The following GNG7 variants were observed in gnomAD, a reference collection of about 807,000 sequenced individuals.
GNG7 encodes guanine nucleotide-binding protein G(I)/G(S)/G(O) subunit gamma-7.
GNG7 carries 1 observed loss-of-function variant against 4.0 expected under a neutral mutation model. That is an observed-to-expected ratio of 0.25 (90% CI 0.09 to 1.18). The LOEUF is 1.18. Among genes scored for constraint, GNG7 ranks in the 50% most tolerant of loss-of-function variants. The pLI is 0.50. For missense variants in GNG7, 86 were observed against 91.9 expected (o/e 0.94, Z 0.26); for synonymous variants, 34 against 36.9 (o/e 0.92, Z 0.29).
intron 1 of GNG7, among the ~76,000 whole-genome samples, chr19:2,694,562 T>A (rs987096542): frequency 1.3e-5 from 2 of 151,966 alleles, no homozygotes; most frequent in Admixed American, 1.3e-4. Flanking sequence ...CAAGTCTGCT[T>A]CCTGATCACA....
intron 2 of GNG7, among the ~76,000 whole-genome samples, chr19:2,555,530 A>C (rs1979515133): frequency 6.6e-6 from 1 of 152,184 alleles, no homozygotes; most frequent in African/African-American, 2.4e-5. Flanking sequence ...GAAAAACAAA[A>C]TACCCAGGCA....
At chr19:2,550,773 A>G (rs1979291838) in intron 3 of GNG7, among the ~76,000 whole-genome samples, 1 of 152,172 alleles carries the variant, frequency 6.6e-6, no homozygotes, top group Admixed American at 6.5e-5. Flanking sequence ...AAATGGGGAC[A>G]ATGAGCCCTG....
intron 3 of GNG7, among the ~76,000 whole-genome samples, chr19:2,537,135 G>C (rs2144742760): frequency 6.6e-6 from 1 of 151,324 alleles, no homozygotes; most frequent in Non-Finnish European, 1.5e-5. Flanking sequence ...TTGTTTAGTA[G>C]AGACGGGGTT....
Position 2,546,985 on chromosome 19 carries a change from G to A in GNG7, c.-38+8164C>T, listed in dbSNP as rs141030054. Among the ~76,000 whole-genome samples the A allele has an allele frequency of 3.2e-3, 493 of 152,080 alleles. 4 individuals carry two copies. Among genetic ancestry groups the A allele is most frequent in the South Asian group, 0.031 (147 of 4,800 alleles). ...CGCCGGCCTCGTGACGGTGGTGCTC[G>A]GGAGCTGAAGGGCAGGAGGGTTAGG... On this transcript the variant is annotated intron_variant, in intron 3 of 4. Coordinates refer to ENST00000382159, the MANE Select transcript of GNG7 (RefSeq NM_052847.3). The surrounding 1 kb of genome is among the most constrained non-coding windows in gnomAD (Gnocchi z 6.3).
intron 3 of GNG7, among the ~76,000 whole-genome samples, chr19:2,526,085 T>C: frequency 6.6e-6 from 1 of 151,228 alleles, no homozygotes; most frequent in Admixed American, 6.6e-5. Context: ...ATTCTCCTGC[T>C]TCAGCTTCCC....
Position 2,555,187 on chromosome 19 carries a change from C to T in GNG7, c.-76G>A, listed in dbSNP as rs1446677644. ...CCCAGGAATCACAGCTTGCTGTACACCCTGTTTAAAAAAGGAGAGAGAAAG... is the reference window on the plus strand; with the variant it reads ...CCCAGGAATCACAGCTTGCTGTACATCCTGTTTAAAAAAGGAGAGAGAAAG... On this transcript the variant is annotated splice_region_variant and 5_prime_UTR_variant, in exon 3 of 5. The change creates a new upstream start codon in the 5' untranslated region. Transcript: ENST00000382159. 1.3e-5 allele frequency: 2 copies of T among 152,114 alleles called. No individual in the cohort carries two copies. The highest frequency in any genetic ancestry group is 6.6e-5 in the Admixed American group (1 of 15,264). The allele number at this position is 152,114 out of a possible 1,614,324, so 9.4% of individuals were successfully genotyped here.
At chr19:2,623,514 A>T (rs1025373683) in intron 2 of GNG7, among the ~76,000 whole-genome samples, 3 of 152,216 alleles carry the variant, frequency 2.0e-5, no homozygotes, top group African/African-American at 7.2e-5. Flanking sequence ...ATGAAAAGGA[A>T]GGGAATCCCA....
At position 2,696,274 on chromosome 19, in the gene GNG7, GAA is replaced by G. The variant is rs1409812092; in HGVS notation, c.-135+6370_-135+6371del. Among the ~76,000 whole-genome samples, 11 of 130,030 alleles carry G rather than the reference GAA, an allele frequency of 8.5e-5. 1 individual carries two copies. In the South Asian group the frequency reaches 2.0e-3, roughly 24 times the overall value. 85.3% of individuals were successfully genotyped at this position (130,030 alleles called of 152,430 possible). ...GAAAAAAGAAAGAAAGAGAAGGAGA[GAA>G]AGAAAAAGAGAGAGAGAGAAAGAAA... On this transcript the variant is annotated intron_variant, in intron 1 of 4. Coordinates refer to ENST00000382159, the MANE Select transcript of GNG7 (RefSeq NM_052847.3).
intron 1 of GNG7, chr19:2,683,386 C>G (rs988684369): frequency 6.6e-6 from 1 of 152,120 alleles, no homozygotes; most frequent in South Asian, 2.1e-4. Context: ...CCACCACTCC[C>G]GGCCAAGACC....
chr19:2,687,176 G>A (rs1983893335), intron 1 of GNG7, among the ~76,000 whole-genome samples: 2 of 152,086 alleles, frequency 1.3e-5, no homozygotes. Flanking sequence ...TCCTGCCTCG[G>A]ACTCCCGAGT....
chr19:2,544,353 T>C (rs1202980356), intron 3 of GNG7, among the ~76,000 whole-genome samples: 1 of 152,178 alleles, frequency 6.6e-6, no homozygotes, highest in Non-Finnish European at 1.5e-5. Flanking sequence ...GCACGCCTGC[T>C]GTGGGCACGA....
chr19:2,627,210 A>T (rs1166328388), intron 2 of GNG7, among the ~76,000 whole-genome samples: 2 of 151,444 alleles, frequency 1.3e-5, no homozygotes, highest in Non-Finnish European at 2.9e-5. Context: ...ACGCTGGGTG[A>T]TGTCTGGGGA....
intron 3 of GNG7, among the ~76,000 whole-genome samples, chr19:2,547,511 C>G (rs537967120): frequency 2.0e-5 from 3 of 152,184 alleles, no homozygotes; most frequent in South Asian, 4.2e-4. Flanking sequence ...GTCACTGCGC[C>G]CCCCCACCCC....
At chr19:2,656,431 GTC>G (rs1370139135) in intron 1 of GNG7, among the ~76,000 whole-genome samples, 1 of 152,158 alleles carries the variant, frequency 6.6e-6, no homozygotes, top group East Asian at 1.9e-4. Flanking sequence ...GCGAAACCCT[GTC>G]TCTACTAAAA....
rs1386656692 is a variant in GNG7 at position 2,657,397 on chromosome 19, T to TAC, written c.-134-11118_-134-11117insGT. Among the ~76,000 whole-genome samples, 83 of 82,716 alleles carry TAC rather than the reference T, an allele frequency of 1.0e-3. 1 individual carries two copies. Among genetic ancestry groups the TAC allele is most frequent in the African/African-American group, 1.9e-3 (37 of 19,692 alleles). 54.3% of individuals were successfully genotyped at this position (82,716 alleles called of 152,430 possible). On this transcript the variant is annotated intron_variant, in intron 1 of 4. Transcript: ENST00000382159. Reference sequence around the variant, plus strand: ...ATATATATATATATATATATATATATATACACATAATAACATTTATCCTAA... The same window carrying TAC: ...ATATATATATATATATATATATATATACATACACATAATAACATTTATCCTAA...
At chr19:2,578,772 C>A (rs927376127) in intron 2 of GNG7, among the ~76,000 whole-genome samples, 2 of 152,240 alleles carry the variant, frequency 1.3e-5, no homozygotes, top group Non-Finnish European at 2.9e-5. Context: ...CCCAACACCC[C>A]GAGACCAAGA....
intron 2 of GNG7, among the ~76,000 whole-genome samples, chr19:2,640,605 A>G (rs182088074): frequency 1.5e-4 from 23 of 152,086 alleles, no homozygotes; most frequent in Non-Finnish European, 2.6e-4. Flanking sequence ...CCTTCTTTGT[A>G]CTTTTCTTCA....
rs1216114489 is a variant in GNG7, at chr19:2,611,547, ATC to A, written c.-78+34675_-78+34676del. ...TTATTTGATAATACCATTTAAAAAT[ATC>A]TCTTAGGCCGGGTGCAATGGCTCAC... On this transcript the variant is annotated intron_variant, in intron 2 of 4. Coordinates refer to ENST00000382159, the MANE Select transcript of GNG7 (RefSeq NM_052847.3). The surrounding 1 kb of genome is among the most constrained non-coding windows in gnomAD (Gnocchi z 6.0). 1 of 152,212 alleles carries A rather than the reference ATC, an allele frequency of 6.6e-6. No homozygotes were observed. The highest frequency in any genetic ancestry group is 2.4e-5 in the African/African-American group (1 of 41,456). 9.4% of individuals were successfully genotyped at this position (152,212 alleles called of 1,614,324 possible).
Position 2,634,285 on chromosome 19 carries a change from C to T in GNG7, c.-78+11939G>A, listed in dbSNP as rs574322743. ...TGGGGTGGGGCCGTCCTGGGCACTG[C>T]GGGGTGCTGAGCAGTATCCCTGGCC... On this transcript the variant is annotated intron_variant, in intron 2 of 4. Transcript: ENST00000382159. This position sits in a 1 kb window ranked among gnomAD's most constrained non-coding sequence, Gnocchi z 5.3. Among the ~76,000 whole-genome samples the T allele has an allele frequency of 2.0e-5, 3 of 152,292 alleles. No homozygotes were observed. The highest frequency in any genetic ancestry group is 1.9e-4 in the East Asian group (1 of 5,182).
Sources: allele counts gnomAD v4.1 joint callset (sites outside exome capture counted in the v4.1 genomes callset), GRCh38; gene constraint gnomAD v4.1.1; non-coding constraint Gnocchi (gnomAD v3.1); transcripts MANE v1.5; gene names NCBI Gene and HGNC (gene_info 2026-07-23, HGNC 2026-07-21).